STARD9: variants seen among roughly 807,000 people sequenced by gnomAD.
STARD9 encodes the protein stAR-related lipid transfer protein 9.
In STARD9, 346 loss-of-function variants were observed where a neutral mutation model predicts 399.8. The observed-to-expected ratio is 0.87, with a 90% CI of 0.79 to 0.95. The LOEUF (loss-of-function observed/expected upper bound fraction) is 0.95, where lower values mean the gene tolerates loss of function less well. Among genes scored for constraint, STARD9 ranks in the 40% least tolerant of loss-of-function variants. The pLI, the probability that STARD9 is intolerant of heterozygous loss-of-function variation, is 0.00. For synonymous variants in STARD9, 2,203 were observed against 2,143.5 expected (o/e 1.03, Z -0.77); for missense variants, 5,832 against 5,667.5 (o/e 1.03, Z -0.93).
At chr15:42,656,588 G>A (rs1367709963) in intron 9 of STARD9, among the ~76,000 whole-genome samples, 2 of 152,086 alleles carry the variant, frequency 1.3e-5, no homozygotes, top group East Asian at 1.9e-4. Flanking sequence ...CCAAATGTCC[G>A]TCAATGAGTG....
At chr15:42,673,510 T>C (rs879580380) in intron 16 of STARD9, among the ~76,000 whole-genome samples, 19 of 152,176 alleles carry the variant, frequency 1.2e-4, no homozygotes, top group South Asian at 4.1e-4. Context: ...TTTCTAGTTA[T>C]AGCTCTTCTA....
At chr15:42,681,299 G>A (rs886483479) in intron 20 of STARD9, 123 bp from the exon 21 acceptor site, 11 of 1,016,468 alleles carry the variant, frequency 1.1e-5, no homozygotes, top group Non-Finnish European at 1.5e-5. Flanking sequence ...GTTGCCAGAA[G>A]TCCAAAGCAC....
In STARD9 at chr15:42,693,823, T is replaced by TCCA; in HGVS notation, c.12246_12248dup (p.Leu4082_Gln4083insHis). ...GACCGACCTTCTTCATGGGGAGGCC[T>TCCA]CCAGCACCTCAGCCCCTGCCCTGTC... On this transcript the variant is annotated inframe_insertion, in exon 23 of 33. Coordinates refer to ENST00000290607, the MANE Select transcript of STARD9 (RefSeq NM_020759.3). The TCCA allele has an allele frequency of 2.6e-6, 4 of 1,536,620 alleles. No individual in the cohort carries two copies. The highest frequency in any genetic ancestry group is 3.5e-6 in the Non-Finnish European group (4 of 1,146,694).
intron 26 of STARD9, among the ~76,000 whole-genome samples, chr15:42,711,364 C>T (rs1436817990): frequency 6.6e-6 from 1 of 152,186 alleles, no homozygotes; most frequent in African/African-American, 2.4e-5. Context: ...TGGTCTCCAA[C>T]TCCTGACCTC....
intron 20 of STARD9, among the ~76,000 whole-genome samples, chr15:42,680,270 AG>A (rs2060399203): frequency 1.3e-5 from 2 of 152,188 alleles, no homozygotes; most frequent in South Asian, 4.1e-4. Context: ...GTGGTCATAT[AG>A]GAACCTGGTG....
intron 3 of STARD9, chr15:42,629,819 T>TC (rs2059293540): frequency 1.3e-5 from 2 of 152,026 alleles, no homozygotes; most frequent in African/African-American, 4.8e-5. Flanking sequence ...GGTTTTTTTT[T>TC]CTCATAAAAA....
chr15:42,614,396 A>G (rs2058914604), intron 3 of STARD9, among the ~76,000 whole-genome samples: 1 of 148,372 alleles, frequency 6.7e-6, no homozygotes, highest in Admixed American at 6.6e-5. Context: ...GGCACTTCAT[A>G]GGAGAGCAAA....
intron 4 of STARD9, 141 bp downstream of exon 4, chr15:42,635,113 A>AG (rs1189775254): frequency 1.9e-6 from 1 of 515,798 alleles, no homozygotes; most frequent in Non-Finnish European, 3.3e-6. Context: ...TGTTTTAAGA[A>AG]TGAGTTTTTC....
chr15:42,695,805 CCT>C lies in STARD9; in HGVS notation c.13213_13214del (p.Ser4405ValfsTer8), dbSNP rs1217423151. The C allele has an allele frequency of 1.3e-6, 2 of 1,537,136 alleles. No individual in the cohort carries two copies. The highest frequency in any genetic ancestry group is 2.7e-5 in the African/African-American group (2 of 73,060). ...CCCTGTGCACCAGCTCTAATGGAAG[CCT>C]CTCGTCTGGCATGACCTCTGGCTAT... ...SSLCTSSNGS[L>X]SSGMTSGYNS... On this transcript the variant is annotated frameshift_variant, in exon 26 of 33. Transcript: ENST00000290607. LOFTEE classifies it high-confidence loss of function.
rs750437618 is a variant in STARD9 at position 42,690,519 on chromosome 15, G to A, written c.8941G>A (p.Asp2981Asn). The A allele has an allele frequency of 4.4e-5, 68 of 1,537,146 alleles. No homozygotes were observed. The highest frequency in any genetic ancestry group is 5.8e-5 in the Non-Finnish European group (67 of 1,146,900). ...TACTTTACTGTGTTTTAGAGATGGT[G>A]ACCTAGGGAAGGAGCCTTTCAAGGC... ...SSTLLCFRDG[D>N]LGKEPFKAAP... The change falls in exon 23 of 33, where the codon GAC (aspartate) becomes AAC (asparagine). Residue 2981 changes from aspartate (D) to asparagine (N), a missense_variant. Physicochemically the swap from Asp to Asn is conservative, Grantham distance 23 (BLOSUM62 1). Transcript: ENST00000290607.
intron 3 of STARD9, among the ~76,000 whole-genome samples, chr15:42,600,830 G>A (rs1268153434): frequency 3.4e-5 from 5 of 148,814 alleles, no homozygotes; most frequent in Non-Finnish European, 7.5e-5. Flanking sequence ...AGCCTGCTTC[G>A]TTTATCTCAC....
chr15:42,667,244 G>A (rs1566917976), intron 15 of STARD9, among the ~76,000 whole-genome samples: 1 of 150,854 alleles, frequency 6.6e-6, no homozygotes, highest in Non-Finnish European at 1.5e-5. Context: ...GAGTGCAATG[G>A]TGCGATCTCA....
In STARD9 at chr15:42,687,435, GA is replaced by G; in HGVS notation, c.5858del (p.Asp1953ValfsTer4). 6.5e-7 allele frequency: 1 copy of G among 1,537,186 alleles called. No homozygotes were observed. Among genetic ancestry groups the G allele is most frequent in the South Asian group, 1.2e-5 (1 of 84,066 alleles). On this transcript the variant is annotated frameshift_variant, in exon 23 of 33. Coordinates refer to ENST00000290607, the MANE Select transcript of STARD9 (RefSeq NM_020759.3). LOFTEE classifies it high-confidence loss of function. ...TGTTTCTTTGAAATCCAGATCAGTA[GA>G]TCGTAGAGTAAGCAGCCCAGTGATG... ...SAVSLKSRSV[D>X]RRVSSPVMVA...
intron 9 of STARD9, among the ~76,000 whole-genome samples, chr15:42,654,071 C>A (rs762620371): frequency 6.6e-6 from 1 of 152,052 alleles, no homozygotes; most frequent in Non-Finnish European, 1.5e-5. Flanking sequence ...CTCAAAAATA[C>A]AATTTTAAAA....
At chr15:42,656,017 A>G (rs1476583936) in intron 9 of STARD9, among the ~76,000 whole-genome samples, 1 of 152,098 alleles carries the variant, frequency 6.6e-6, no homozygotes, top group Non-Finnish European at 1.5e-5. Flanking sequence ...AATCAAAATC[A>G]CAATGCAATA....
At chr15:42,676,048 GGT>G in intron 20 of STARD9, 73 bp downstream of exon 20, 1 of 1,010,574 alleles carries the variant, frequency 9.9e-7, no homozygotes, top group South Asian at 1.4e-5. Context: ...CATGGATCAG[GGT>G]GGGGGTGGGG....
chr15:42,587,513 C>T (rs1044840022), intron 3 of STARD9, among the ~76,000 whole-genome samples: 4 of 152,140 alleles, frequency 2.6e-5, no homozygotes, highest in Admixed American at 6.6e-5. Context: ...CTTTTGAATA[C>T]GAGGACAGGG....
At chr15:42,680,767 A>G (rs1231476377) in intron 20 of STARD9, among the ~76,000 whole-genome samples, 1 of 152,202 alleles carries the variant, frequency 6.6e-6, no homozygotes, top group Non-Finnish European at 1.5e-5. Context: ...TTTCACCAGT[A>G]AATGCTTCAG....
At position 42,695,883 on chromosome 15, in the gene STARD9, G is replaced by A; in HGVS notation, c.13284+3G>A. 6.5e-7 allele frequency: 1 copy of A among 1,536,820 alleles called. No homozygotes were observed. The highest frequency in any genetic ancestry group is 8.7e-7 in the Non-Finnish European group (1 of 1,146,626). ...AGCTCCAGTTCCCAGAGAATATGGTGAGTAGGCAGATGTTGGGAATGAGCC... is the reference window on the plus strand; with the variant it reads ...AGCTCCAGTTCCCAGAGAATATGGTAAGTAGGCAGATGTTGGGAATGAGCC... On this transcript the variant is annotated splice_donor_region_variant and intron_variant, in intron 26 of 32. Coordinates refer to ENST00000290607, the MANE Select transcript of STARD9 (RefSeq NM_020759.3).
Sources: allele counts gnomAD v4.1 joint callset (sites outside exome capture counted in the v4.1 genomes callset), GRCh38; gene constraint gnomAD v4.1.1; transcripts MANE v1.5; gene names NCBI Gene and HGNC (gene_info 2026-07-23, HGNC 2026-07-21).